Variants in ATXN2 observed in about 807,000 individuals in gnomAD.
The protein encoded by ATXN2 is ataxin 2.
ATXN2 carries 37 observed loss-of-function variants against 138.6 expected under a neutral mutation model. The observed-to-expected ratio is 0.27, with a 90% CI of 0.21 to 0.35. The LOEUF is 0.35. Among genes scored for constraint, ATXN2 ranks in the 10% least tolerant of loss-of-function variants. The pLI, the probability that ATXN2 is intolerant of heterozygous loss-of-function variation, is 1.00. For synonymous variants in ATXN2, 549 were observed against 543.7 expected (o/e 1.01, Z -0.13); for missense variants, 1,216 against 1,480.3 (o/e 0.82, Z 2.93).
chr12:111,465,603 C>T (rs151153851), intron 20 of ATXN2, among the ~76,000 whole-genome samples: 2 of 151,396 alleles, frequency 1.3e-5, no homozygotes, highest in Admixed American at 1.3e-4. Flanking sequence ...AACCCCGTCT[C>T]TACTAAAAAT....
chr12:111,517,854 C>A (rs1273114869), intron 9 of ATXN2, among the ~76,000 whole-genome samples: 1 of 152,100 alleles, frequency 6.6e-6, no homozygotes, highest in Non-Finnish European at 1.5e-5. Flanking sequence ...ATATTAACCA[C>A]AGTGTTGCAC....
intron 7 of ATXN2, 143 bp from the exon 8 acceptor site, chr12:111,520,219 T>TTTATA: frequency 9.1e-7 from 1 of 1,103,724 alleles, no homozygotes. Flanking sequence ...CTAAAAGTTA[T>TTTATA]AGTGATCTGT....
At chr12:111,458,671 TC>T (rs1875319324) in intron 21 of ATXN2, among the ~76,000 whole-genome samples, 2 of 152,264 alleles carry the variant, frequency 1.3e-5, no homozygotes, top group African/African-American at 4.8e-5. Flanking sequence ...CCAAAATAGT[TC>T]CCCACATTCT....
At chr12:111,571,514 T>C (rs1008374946) in intron 1 of ATXN2, among the ~76,000 whole-genome samples, 1 of 151,842 alleles carries the variant, frequency 6.6e-6, no homozygotes, top group African/African-American at 2.4e-5. Context: ...GGCAGAACAA[T>C]GATGGAGGAG....
intron 6 of ATXN2, among the ~76,000 whole-genome samples, chr12:111,522,334 G>C (rs1880212209): frequency 6.6e-6 from 1 of 152,182 alleles, no homozygotes; most frequent in African/African-American, 2.4e-5. Context: ...GTTCTGGCCG[G>C]GCACGGTGGC....
intron 1 of ATXN2, among the ~76,000 whole-genome samples, chr12:111,560,266 A>T (rs1882608783): frequency 6.6e-6 from 1 of 152,218 alleles, no homozygotes; most frequent in African/African-American, 2.4e-5. Context: ...AATATATAAC[A>T]ACTATTTACC....
At position 111,453,471 on chromosome 12, in the gene ATXN2, C is replaced by G; in HGVS notation, c.3439+206G>C. 1 of 1,306,688 alleles carries G rather than the reference C, an allele frequency of 7.7e-7. No homozygotes were observed. Among genetic ancestry groups the G allele is most frequent in the East Asian group, 3.1e-5 (1 of 32,054 alleles). 80.9% of individuals were successfully genotyped at this position (1,306,688 alleles called of 1,614,324 possible). A position where few individuals can be genotyped will look rare whatever the true frequency, so the allele number is the denominator to read the frequency against. ...TTCTCATCAAGCCAAATCCTGTATA[C>G]CATCAGAACACACACAGACTCGGCT... is the stretch of plus-strand genomic sequence containing the variant. On this transcript the variant is annotated intron_variant, in intron 24 of 24. Coordinates refer to ENST00000673436, the MANE Select transcript of ATXN2 (RefSeq NM_001372574.1). The surrounding 1 kb of genome is among the most constrained non-coding windows in gnomAD (Gnocchi z 5.4).
intron 20 of ATXN2, chr12:111,469,899 A>G (rs2135673112): frequency 1.9e-6 from 1 of 521,594 alleles, no homozygotes; most frequent in Non-Finnish European, 3.3e-6. Flanking sequence ...TAAAGCAGGA[A>G]AGAGATCTGA....
intron 1 of ATXN2, among the ~76,000 whole-genome samples, chr12:111,557,344 T>A (rs550982284): frequency 1.3e-5 from 2 of 152,312 alleles, no homozygotes; most frequent in Admixed American, 6.5e-5. Context: ...TTTTCCTCAC[T>A]TTCTTCTCTC....
Position 111,598,626 on chromosome 12 carries a change from G to C in ATXN2, c.251+158C>G. On this transcript the variant is annotated intron_variant, in intron 1 of 24. Transcript: ENST00000673436. The surrounding 1 kb of genome is among the most constrained non-coding windows in gnomAD (Gnocchi z 4.5). ...AGGACCCCGGCTGCGCCCACCGGCC[G>C]AGCCTCGGGGCTCAGGCCCGAGCGA... 1.1e-6 allele frequency: 1 copy of C among 942,868 alleles called. No individual in the cohort carries two copies. The highest frequency in any genetic ancestry group is 1.3e-6 in the Non-Finnish European group (1 of 789,502). 58.4% of individuals were successfully genotyped at this position (942,868 alleles called of 1,614,324 possible).
At chr12:111,457,094 C>T in intron 22 of ATXN2, 120 bp downstream of exon 22, 2 of 1,247,788 alleles carry the variant, frequency 1.6e-6, no homozygotes, top group Non-Finnish European at 2.2e-6. Context: ...ACAGCTGTAT[C>T]CATCTTCACG....
At chr12:111,549,029 C>A (rs745619089) in intron 5 of ATXN2, among the ~76,000 whole-genome samples, 1 of 152,058 alleles carries the variant, frequency 6.6e-6, no homozygotes, top group Non-Finnish European at 1.5e-5. Flanking sequence ...CTAGAAAGCA[C>A]AAATTCTCAA....
At chr12:111,479,997 G>A (rs147058930) in intron 18 of ATXN2, among the ~76,000 whole-genome samples, 3 of 107,870 alleles carry the variant, frequency 2.8e-5, no homozygotes, top group Admixed American at 9.9e-5. Flanking sequence ...ATTTTTTTAC[G>A]TAAAAAAAGA....
At chr12:111,571,305 C>T (rs1300079736) in intron 1 of ATXN2, among the ~76,000 whole-genome samples, 1 of 152,148 alleles carries the variant, frequency 6.6e-6, no homozygotes, top group African/African-American at 2.4e-5. Context: ...GAAAAAGTAA[C>T]TTTAGGCATT....
chr12:111,504,900 C>A (rs1281655779), intron 14 of ATXN2, among the ~76,000 whole-genome samples: 1 of 151,962 alleles, frequency 6.6e-6, no homozygotes. Context: ...CGATCCAGAC[C>A]CCCAGAGAGG....
At chr12:111,546,143 G>T (rs142701771) in intron 5 of ATXN2, among the ~76,000 whole-genome samples, 227 of 152,192 alleles carry the variant, frequency 1.5e-3, no homozygotes, top group Non-Finnish European at 2.7e-3. Flanking sequence ...AATTAGAATG[G>T]TCATGAATAA....
At chr12:111,537,109 G>T (rs938167950) in intron 5 of ATXN2, among the ~76,000 whole-genome samples, 1 of 151,972 alleles carries the variant, frequency 6.6e-6, no homozygotes, top group Non-Finnish European at 1.5e-5. Flanking sequence ...AAAAGTCACT[G>T]TTCGCAGCAG....
intron 5 of ATXN2, among the ~76,000 whole-genome samples, chr12:111,536,141 T>C (rs1291748492): frequency 6.6e-6 from 1 of 152,172 alleles, no homozygotes; most frequent in Non-Finnish European, 1.5e-5. Flanking sequence ...AGGGATGAGA[T>C]GATCTAATAA....
rs182873227 is a variant in ATXN2 at position 111,571,219 on chromosome 12, T to C, written c.252-15300A>G. ...AAGGAAGACAAATCATAATCTCAAA[T>C]GCAAGCTTCAAATCCCAAAATTCAG... On this transcript the variant is annotated intron_variant, in intron 1 of 24. Coordinates refer to ENST00000673436, the MANE Select transcript of ATXN2 (RefSeq NM_001372574.1). Among the ~76,000 whole-genome samples, 18 of 152,290 alleles carry C rather than the reference T, an allele frequency of 1.2e-4. No homozygotes were observed. In the East Asian group the frequency reaches 3.5e-3, roughly 29 times the overall value.
Sources: gnomAD v4.1 joint callset for allele counts (sites outside exome capture counted in the v4.1 genomes callset) on GRCh38, gnomAD v4.1.1 for gene constraint, Gnocchi (gnomAD v3.1) non-coding constraint, MANE v1.5 for transcripts, NCBI Gene and HGNC (gene_info 2026-07-23, HGNC 2026-07-21) for gene names.